Variants in ST6GALNAC3 observed in about 807,000 individuals in gnomAD.
ST6GALNAC3 encodes alpha-N-acetylgalactosaminide alpha-2,6-sialyltransferase 3.
ST6GALNAC3 carries 25 observed loss-of-function variants against 32.7 expected under a neutral mutation model. That is an observed-to-expected ratio of 0.76 (90% CI 0.56 to 1.07). The LOEUF (loss-of-function observed/expected upper bound fraction) is 1.07, where lower values mean the gene tolerates loss of function less well. Among genes scored for constraint, ST6GALNAC3 ranks in the 50% least tolerant of loss-of-function variants. The probability of loss-of-function intolerance (pLI) is 0.00; values close to 1 mark genes in which losing one functional copy is unlikely to be tolerated. For synonymous variants in ST6GALNAC3, 129 were observed against 133.1 expected (o/e 0.97, Z 0.21); for missense variants, 355 against 382.4 (o/e 0.93, Z 0.60).
At chr1:76,284,372 C>A (rs550926962) in intron 1 of ST6GALNAC3, among the ~76,000 whole-genome samples, 1 of 152,096 alleles carries the variant, frequency 6.6e-6, no homozygotes, top group Admixed American at 6.5e-5. Flanking sequence ...TTATGAGGGG[C>A]ACATTGGACA....
intron 1 of ST6GALNAC3, among the ~76,000 whole-genome samples, chr1:76,240,861 C>T (rs1419620079): frequency 6.6e-6 from 1 of 152,178 alleles, no homozygotes; most frequent in Non-Finnish European, 1.5e-5. Context: ...CCAAGTTTGA[C>T]TGAGATCGCT....
chr1:76,169,998 T>C (rs1279852818), intron 1 of ST6GALNAC3, among the ~76,000 whole-genome samples: 2 of 152,192 alleles, frequency 1.3e-5, no homozygotes, highest in Non-Finnish European at 2.9e-5. Context: ...ATCTTTGAGG[T>C]TGCTGACCTT....
At chr1:76,285,385 G>GGGGTGTGTGTGTGTGT (rs1553173691) in intron 1 of ST6GALNAC3, among the ~76,000 whole-genome samples, 1 of 148,374 alleles carries the variant, frequency 6.7e-6, no homozygotes, top group Non-Finnish European at 1.5e-5. Flanking sequence ...TCGGGAGGAT[G>GGGGTGTGTGTGTGTGT]GTGTGTGTGT....
intron 1 of ST6GALNAC3, among the ~76,000 whole-genome samples, chr1:76,299,290 C>T (rs563790348): frequency 6.6e-6 from 1 of 152,104 alleles, no homozygotes; most frequent in African/African-American, 2.4e-5. Flanking sequence ...CTGGGAAGCT[C>T]TTGATCAGGC....
Position 76,552,178 on chromosome 1 carries a change from C to T in ST6GALNAC3, c.624-75274C>T, listed in dbSNP as rs1664677236. ...AGCTCCCTCTCTGGAGCAATGCTGTCATGTGGATTCCAGGCAGCTCCCTAT... is the reference window on the plus strand; with the variant it reads ...AGCTCCCTCTCTGGAGCAATGCTGTTATGTGGATTCCAGGCAGCTCCCTAT... On this transcript the variant is annotated intron_variant, in intron 3 of 4. Transcript: ENST00000328299. Among the ~76,000 whole-genome samples the T allele has an allele frequency of 1.3e-5, 2 of 152,140 alleles. 1 individual carries two copies. The highest frequency in any genetic ancestry group is 1.3e-4 in the Admixed American group (2 of 15,280).
chr1:76,569,986 G>A (rs1665767940), intron 3 of ST6GALNAC3, among the ~76,000 whole-genome samples: 1 of 152,060 alleles, frequency 6.6e-6, no homozygotes, highest in Non-Finnish European at 1.5e-5. Context: ...TCCATGTCAA[G>A]GCAGTCTAAA....
intron 1 of ST6GALNAC3, among the ~76,000 whole-genome samples, chr1:76,136,630 T>C (rs889490253): frequency 5.3e-5 from 8 of 152,128 alleles, no homozygotes; most frequent in Admixed American, 3.9e-4. Context: ...TAGTAATAAA[T>C]AGCTTTCACA....
At chr1:76,267,225 C>A (rs535765597) in intron 1 of ST6GALNAC3, among the ~76,000 whole-genome samples, 43 of 152,196 alleles carry the variant, frequency 2.8e-4, no homozygotes, top group Non-Finnish European at 4.6e-4. Flanking sequence ...TTGATCATGA[C>A]CCCTTGCCTC....
intron 3 of ST6GALNAC3, among the ~76,000 whole-genome samples, chr1:76,591,875 AG>A (rs1355309846): frequency 6.6e-6 from 1 of 152,184 alleles, no homozygotes; most frequent in African/African-American, 2.4e-5. Flanking sequence ...CTAGAAGAAG[AG>A]TGCCTGGCAT....
At chr1:76,156,793 G>A (rs772480111) in intron 1 of ST6GALNAC3, among the ~76,000 whole-genome samples, 14 of 152,076 alleles carry the variant, frequency 9.2e-5, no homozygotes, top group Non-Finnish European at 1.9e-4. Context: ...GTACAGTGGC[G>A]CGATCTTGGC....
Position 76,597,816 on chromosome 1 carries a change from C to T in ST6GALNAC3, c.624-29636C>T, listed in dbSNP as rs1421317607. Among the ~76,000 whole-genome samples, 43 of 152,090 alleles carry T rather than the reference C, an allele frequency of 2.8e-4. 1 individual carries two copies. The highest frequency in any genetic ancestry group is 2.8e-3 in the Admixed American group (43 of 15,252). ...TGGAGCTCTGGGGTCTACACCGTTT[C>T]CAATGAATCATTCCTAATGTGATGC... On this transcript the variant is annotated intron_variant, in intron 3 of 4. Transcript: ENST00000328299.
chr1:76,144,248 G>C (rs894677935), intron 1 of ST6GALNAC3, among the ~76,000 whole-genome samples: 1 of 152,146 alleles, frequency 6.6e-6, no homozygotes, highest in African/African-American at 2.4e-5. Flanking sequence ...CAAGGAGCTC[G>C]GTCAGTAATC....
In ST6GALNAC3 at chr1:76,318,463, C is replaced by T. The variant is rs192405596; in HGVS notation, c.213+4464C>T. Among the ~76,000 whole-genome samples the T allele has an allele frequency of 7.4e-4, 112 of 152,196 alleles. 1 individual carries two copies. The highest frequency in any genetic ancestry group is 2.5e-3 in the African/African-American group (105 of 41,538). On this transcript the variant is annotated intron_variant, in intron 2 of 4. Transcript: ENST00000328299. Reference sequence around the variant, plus strand: ...AAATTCTGAAAGTCTTCGCTGGCCACGGAGCCCCAAATTTCTCATCAACAC... The same window carrying T: ...AAATTCTGAAAGTCTTCGCTGGCCATGGAGCCCCAAATTTCTCATCAACAC...
Position 76,210,241 on chromosome 1 carries a change from A to G in ST6GALNAC3, c.19-103564A>G, listed in dbSNP as rs545353594. Among the ~76,000 whole-genome samples, 9 of 152,290 alleles carry G rather than the reference A, an allele frequency of 5.9e-5. No individual in the cohort carries two copies. The East Asian group carries it at 1.7e-3, about 29-fold the overall frequency. On this transcript the variant is annotated intron_variant, in intron 1 of 4. Coordinates refer to ENST00000328299, the MANE Select transcript of ST6GALNAC3 (RefSeq NM_152996.4). ...TTAGAGCTGCATTTTCTAGAAGTCA[A>G]CAACATAGTGTCTTGAAAGCCTTCT...
chr1:76,093,063 C>T (rs920842601), intron 1 of ST6GALNAC3, among the ~76,000 whole-genome samples: 120 of 152,224 alleles, frequency 7.9e-4, no homozygotes, highest in African/African-American at 2.8e-3. Context: ...CATACAATTT[C>T]CTAATTAAGT....
rs535814452 is a variant in ST6GALNAC3 at position 76,309,397 on chromosome 1, A to T, written c.19-4408A>T. On this transcript the variant is annotated intron_variant, in intron 1 of 4. Coordinates refer to ENST00000328299, the MANE Select transcript of ST6GALNAC3 (RefSeq NM_152996.4). ...TGAGACATGCATGTATATCATGCAT[A>T]TTAGTACTTTGTTCACTTCCCCACC... is the stretch of plus-strand genomic sequence containing the variant. Among the ~76,000 whole-genome samples, 11 of 152,194 alleles carry T rather than the reference A, an allele frequency of 7.2e-5. No homozygotes were observed. The East Asian group carries it at 2.1e-3, about 30-fold the overall frequency.
At chr1:76,103,907 T>A (rs1423077048) in intron 1 of ST6GALNAC3, among the ~76,000 whole-genome samples, 1 of 152,234 alleles carries the variant, frequency 6.6e-6, no homozygotes, top group Non-Finnish European at 1.5e-5. Flanking sequence ...GTCACATCTT[T>A]TTCCATATAA....
intron 1 of ST6GALNAC3, among the ~76,000 whole-genome samples, chr1:76,196,079 T>G (rs1654188195): frequency 6.6e-6 from 1 of 152,318 alleles, no homozygotes; most frequent in East Asian, 1.9e-4. Context: ...TATAAGAGTA[T>G]TATTATTGTG....
intron 1 of ST6GALNAC3, among the ~76,000 whole-genome samples, chr1:76,271,983 G>C (rs1658868939): frequency 6.6e-6 from 1 of 152,102 alleles, no homozygotes; most frequent in South Asian, 2.1e-4. Context: ...AGTGAAACTA[G>C]CTGCATGACA....
Sources: gnomAD v4.1 joint callset for allele counts (sites outside exome capture counted in the v4.1 genomes callset) on GRCh38, gnomAD v4.1.1 for gene constraint, MANE v1.5 for transcripts, NCBI Gene and HGNC (gene_info 2026-07-23, HGNC 2026-07-21) for gene names.